PDZRN3: variants seen among roughly 807,000 people sequenced by gnomAD.
The protein encoded by PDZRN3 is E3 ubiquitin-protein ligase PDZRN3.
Under a neutral mutation model 85.7 loss-of-function variants are expected in PDZRN3, and 38 were observed. That is an observed-to-expected ratio of 0.44 (90% CI 0.34 to 0.58). PDZRN3 has a LOEUF of 0.58. Among genes scored for constraint, PDZRN3 ranks in the 20% least tolerant of loss-of-function variants. The pLI is 0.01. For missense variants in PDZRN3, 1,629 were observed against 1,506.4 expected, an observed-to-expected ratio of 1.08 and a Z score of -1.35; for synonymous variants, 759 against 638.0, an observed-to-expected ratio of 1.19 and a Z score of -2.86.
Position 73,624,087 on chromosome 3 carries a change from G to A in PDZRN3, c.723+16C>T. The A allele has an allele frequency of 7.0e-7, 1 of 1,430,444 alleles. No homozygotes were observed. The highest frequency in any genetic ancestry group is 1.4e-5 in the South Asian group (1 of 69,192). 88.6% of individuals were successfully genotyped at this position (1,430,444 alleles called of 1,614,324 possible). A position where few individuals can be genotyped will look rare whatever the true frequency, so the allele number is the denominator to read the frequency against. The stretch of plus-strand genomic sequence containing the variant: ...GGGATCCTGGCTGGAGGTCGGGGCG[G>A]GCAGCAGGCGCCTACCTTGCCGCCG... On this transcript the variant is annotated intron_variant, in intron 1 of 9. Coordinates refer to ENST00000263666, the MANE Select transcript of PDZRN3 (RefSeq NM_015009.3).
chr3:73,525,731 G>A (rs1320759162), intron 3 of PDZRN3, among the ~76,000 whole-genome samples: 7 of 152,228 alleles, frequency 4.6e-5, no homozygotes, highest in Middle Eastern at 3.4e-3. Context: ...CTGCCAAGGC[G>A]AGGCATGCTG....
chr3:73,469,074 C>A (rs1703281482), intron 3 of PDZRN3, among the ~76,000 whole-genome samples: 1 of 151,386 alleles, frequency 6.6e-6, no homozygotes, highest in Non-Finnish European at 1.5e-5. Flanking sequence ...AAAAAAGATT[C>A]ATCTTTTTTT....
At chr3:73,473,177 G>C (rs2106889777) in intron 3 of PDZRN3, among the ~76,000 whole-genome samples, 1 of 152,236 alleles carries the variant, frequency 6.6e-6, no homozygotes, top group Non-Finnish European at 1.5e-5. Context: ...CTTCCACTAT[G>C]TCTTTTTTCC....
rs368305964 is a variant in PDZRN3 at position 73,383,797 on chromosome 3, C to G, written c.2769G>C (p.Val923=). ...AGCGCGTCCCGTCGCTGCGGATCTT[C>G]ACCTTCCACTCCATGCGCGGCTCCG... ...TPSEPRMEWK[V]KIRSDGTRYI... Residue 923 remains valine, a synonymous_variant, in exon 10 of 10, where the codon GTG becomes GTC. Transcript: ENST00000263666. 8.1e-6 allele frequency: 13 copies of G among 1,613,726 alleles called. No homozygotes were observed. Among genetic ancestry groups the G allele is most frequent in the Non-Finnish European group, 1.1e-5 (13 of 1,180,012 alleles).
chr3:73,510,908 AC>A (rs1704151942), intron 3 of PDZRN3, among the ~76,000 whole-genome samples: 1 of 152,212 alleles, frequency 6.6e-6, no homozygotes, highest in Non-Finnish European at 1.5e-5. Flanking sequence ...TATGATAGGT[AC>A]TATACTCATC....
chr3:73,557,549 A>C (rs983279550), intron 3 of PDZRN3, among the ~76,000 whole-genome samples: 1 of 152,200 alleles, frequency 6.6e-6, no homozygotes, highest in African/African-American at 2.4e-5. Context: ...ATTACAAACT[A>C]TGTAATCAAA....
At chr3:73,613,712 TGAG>T (rs1356639636) in intron 1 of PDZRN3, among the ~76,000 whole-genome samples, 1 of 152,088 alleles carries the variant, frequency 6.6e-6, no homozygotes, top group Non-Finnish European at 1.5e-5. Flanking sequence ...CCCTGAAGAC[TGAG>T]GAGTTCTCAA....
At chr3:73,409,505 T>C (rs1025448544) in intron 3 of PDZRN3, among the ~76,000 whole-genome samples, 28 of 152,152 alleles carry the variant, frequency 1.8e-4, no homozygotes, top group African/African-American at 6.5e-4. Flanking sequence ...AGTTCCCTTC[T>C]TGGCTGACGG....
At chr3:73,415,191 G>C (rs1702051246) in intron 3 of PDZRN3, among the ~76,000 whole-genome samples, 1 of 152,172 alleles carries the variant, frequency 6.6e-6, no homozygotes, top group African/African-American at 2.4e-5. Context: ...AAGAAAACCT[G>C]GCAGGGAGAG....
intron 3 of PDZRN3, among the ~76,000 whole-genome samples, chr3:73,522,201 G>A (rs1016992505): frequency 2.0e-5 from 3 of 152,068 alleles, no homozygotes; most frequent in Non-Finnish European, 4.4e-5. Flanking sequence ...CTAAAATATT[G>A]ACTCTCTGGC....
chr3:73,408,914 G>A (rs1231070464), intron 3 of PDZRN3, among the ~76,000 whole-genome samples: 1 of 152,038 alleles, frequency 6.6e-6, no homozygotes, highest in Non-Finnish European at 1.5e-5. Context: ...CAGTGGTGAT[G>A]ATGGCTGTGA....
chr3:73,424,802 G>A (rs187854448), intron 3 of PDZRN3, among the ~76,000 whole-genome samples: 5 of 152,208 alleles, frequency 3.3e-5, no homozygotes, highest in Admixed American at 3.3e-4. Context: ...TTCATAGTCA[G>A]GGTGAAGCAA....
chr3:73,424,529 G>T (rs1354782364), intron 3 of PDZRN3, among the ~76,000 whole-genome samples: 1 of 118,264 alleles, frequency 8.5e-6, no homozygotes, highest in East Asian at 2.7e-4. Context: ...GAGACAGAGT[G>T]AGACTCCATC....
chr3:73,550,472 C>T (rs986782625), intron 3 of PDZRN3, among the ~76,000 whole-genome samples: 1 of 152,198 alleles, frequency 6.6e-6, no homozygotes, highest in African/African-American at 2.4e-5. Context: ...ATCTCTAAGG[C>T]AGGGCCCAGG....
chr3:73,587,226 A>G (rs908459154), intron 3 of PDZRN3, among the ~76,000 whole-genome samples: 2 of 152,170 alleles, frequency 1.3e-5, no homozygotes, highest in African/African-American at 4.8e-5. Context: ...AAATACCAAT[A>G]CCAGACTACA....
intron 3 of PDZRN3, among the ~76,000 whole-genome samples, chr3:73,515,442 C>T (rs536218476): frequency 2.0e-5 from 3 of 152,290 alleles, no homozygotes; most frequent in African/African-American, 4.8e-5. Flanking sequence ...TCCCAAAGTG[C>T]TGGGATTACA....
intron 3 of PDZRN3, among the ~76,000 whole-genome samples, chr3:73,461,606 C>A (rs911877035): frequency 6.6e-6 from 1 of 152,202 alleles, no homozygotes; most frequent in African/African-American, 2.4e-5. Context: ...CTAAGATAAT[C>A]TGGACATGAA....
intron 3 of PDZRN3, among the ~76,000 whole-genome samples, chr3:73,527,462 G>T (rs1704551625): frequency 6.6e-6 from 1 of 152,088 alleles, no homozygotes; most frequent in South Asian, 2.1e-4. Context: ...GTAGATATTA[G>T]GTTAGGCGAT....
chr3:73,458,299 C>T (rs539093554), intron 3 of PDZRN3, among the ~76,000 whole-genome samples: 48 of 151,946 alleles, frequency 3.2e-4, no homozygotes, highest in South Asian at 6.3e-4. Flanking sequence ...CAGCTGTTAA[C>T]TGACCACTCC....
Sources: gnomAD v4.1 joint callset for allele counts (sites outside exome capture counted in the v4.1 genomes callset) on GRCh38, gnomAD v4.1.1 for gene constraint, MANE v1.5 for transcripts, NCBI Gene and HGNC (gene_info 2026-07-23, HGNC 2026-07-21) for gene names.